Variants in GPR39 observed in about 807,000 individuals in gnomAD.
GPR39 encodes the protein G protein-coupled receptor 39.
In GPR39, 23 loss-of-function variants were observed where a neutral mutation model predicts 18.4. The ratio of observed to expected loss-of-function variants is 1.25; its 90% CI spans 0.90 to 1.77. The LOEUF (loss-of-function observed/expected upper bound fraction) is 1.77, where lower values mean the gene tolerates loss of function less well. Ranked by LOEUF, GPR39 falls within the 40% of genes most tolerant of loss-of-function variation. The pLI is 0.00. For synonymous variants in GPR39, 280 were observed against 257.9 expected (o/e 1.09, Z -0.82); for missense variants, 647 against 602.4 (o/e 1.07, Z -0.78).
intron 1 of GPR39, among the ~76,000 whole-genome samples, chr2:132,493,185 T>C (rs1681541088): frequency 7.1e-6 from 1 of 140,894 alleles, no homozygotes; most frequent in Non-Finnish European, 1.5e-5. Context: ...ATATACACCA[T>C]ATATATACAC....
intron 1 of GPR39, among the ~76,000 whole-genome samples, chr2:132,622,829 T>G (rs891439807): frequency 2.0e-5 from 3 of 152,074 alleles, no homozygotes; most frequent in Non-Finnish European, 4.4e-5. Flanking sequence ...AAATAAGACC[T>G]GTTGGCCAGG....
intron 1 of GPR39, among the ~76,000 whole-genome samples, chr2:132,619,852 C>CACACAG (rs148426776): frequency 7.4e-6 from 1 of 135,456 alleles, no homozygotes; most frequent in Non-Finnish European, 1.5e-5. Flanking sequence ...CACACACACA[C>CACACAG]ACACAGACAC....
intron 1 of GPR39, among the ~76,000 whole-genome samples, chr2:132,535,632 A>T (rs541595312): frequency 6.6e-5 from 10 of 151,322 alleles, no homozygotes; most frequent in African/African-American, 2.4e-4. Context: ...TTTCAGAAGG[A>T]ATGGTACCAG....
chr2:132,550,192 T>G (rs1680017747), intron 1 of GPR39, among the ~76,000 whole-genome samples: 1 of 152,200 alleles, frequency 6.6e-6, no homozygotes, highest in Non-Finnish European at 1.5e-5. Flanking sequence ...TGTAGATAGT[T>G]TAGCTTCCCT....
chr2:132,493,287 CCATATATAT>C lies in GPR39; in HGVS notation c.856+75390_856+75398del, dbSNP rs201944714. On this transcript the variant is annotated intron_variant, in intron 1 of 1. Coordinates refer to ENST00000329321, the MANE Select transcript of GPR39 (RefSeq NM_001508.3). ...ATACCATATATGTATACCATATATACCATATATATACACCATATATATACCATATATATA... is the reference window on the plus strand; with the variant it reads ...ATACCATATATGTATACCATATATACACACCATATATATACCATATATATA... Among the ~76,000 whole-genome samples, 52 of 144,012 alleles carry C rather than the reference CCATATATAT, an allele frequency of 3.6e-4. No homozygotes were observed. In the East Asian group the frequency reaches 9.1e-3, roughly 25 times the overall value. 94.5% of individuals were successfully genotyped at this position (144,012 alleles called of 152,430 possible).
At chr2:132,627,523 C>T (rs1468148584) in intron 1 of GPR39, among the ~76,000 whole-genome samples, 1 of 152,066 alleles carries the variant, frequency 6.6e-6, no homozygotes, top group East Asian at 1.9e-4. Context: ...TTTTAGATTC[C>T]AGTCATCTTT....
chr2:132,527,183 G>A (rs1273873055), intron 1 of GPR39, among the ~76,000 whole-genome samples: 2 of 152,112 alleles, frequency 1.3e-5, no homozygotes, highest in Non-Finnish European at 2.9e-5. Flanking sequence ...GAGTTAGAAC[G>A]TGCTATGTTT....
At chr2:132,631,767 A>G (rs1296591658) in intron 1 of GPR39, among the ~76,000 whole-genome samples, 1 of 151,786 alleles carries the variant, frequency 6.6e-6, no homozygotes, top group Non-Finnish European at 1.5e-5. Context: ...GAGTCAGCCT[A>G]TGATGAGTGA....
chr2:132,614,280 C>G (rs1315659288), intron 1 of GPR39, among the ~76,000 whole-genome samples: 1 of 152,066 alleles, frequency 6.6e-6, no homozygotes, highest in African/African-American at 2.4e-5. Flanking sequence ...AATCTCGGCT[C>G]ACTGCAACCT....
intron 1 of GPR39, among the ~76,000 whole-genome samples, chr2:132,630,020 T>A (rs1280672597): frequency 2.0e-5 from 3 of 152,168 alleles, no homozygotes; most frequent in Non-Finnish European, 2.9e-5. Flanking sequence ...TGTCACTGCA[T>A]GGTTGGGAGA....
chr2:132,528,022 G>A (rs1679544594), intron 1 of GPR39, among the ~76,000 whole-genome samples: 1 of 152,126 alleles, frequency 6.6e-6, no homozygotes, highest in Non-Finnish European at 1.5e-5. Flanking sequence ...TGTCCTGAAT[G>A]GCATTGCCTA....
intron 1 of GPR39, among the ~76,000 whole-genome samples, chr2:132,463,387 AC>A (rs1435828244): frequency 2.0e-5 from 3 of 150,832 alleles, no homozygotes; most frequent in African/African-American, 7.4e-5. Flanking sequence ...GGTGAAAGAT[AC>A]AAGATTCATT....
At chr2:132,450,269 G>A (rs184384941) in intron 1 of GPR39, among the ~76,000 whole-genome samples, 1 of 152,300 alleles carries the variant, frequency 6.6e-6, no homozygotes, top group African/African-American at 2.4e-5. Flanking sequence ...CACCACTGCT[G>A]ATCAGCATAG....
At chr2:132,546,873 C>T (rs1679960399) in intron 1 of GPR39, among the ~76,000 whole-genome samples, 1 of 110,362 alleles carries the variant, frequency 9.1e-6, no homozygotes, top group South Asian at 3.4e-4. Flanking sequence ...AAAGAGGCAT[C>T]ATATGCAAAT....
chr2:132,430,327 G>A (rs1680203230), intron 1 of GPR39, among the ~76,000 whole-genome samples: 2 of 152,320 alleles, frequency 1.3e-5, no homozygotes, highest in Admixed American at 1.3e-4. Context: ...CCAATGTGTA[G>A]CCAGGGTTGA....
chr2:132,605,712 G>T (rs1180243305), intron 1 of GPR39, among the ~76,000 whole-genome samples: 2 of 152,202 alleles, frequency 1.3e-5, no homozygotes, highest in Non-Finnish European at 2.9e-5. Context: ...GAATCCAGCA[G>T]TGCCTTGCTC....
Position 132,519,607 on chromosome 2 carries a change from A to G in GPR39, c.856+101709A>G, listed in dbSNP as rs535103364. Among the ~76,000 whole-genome samples, 85 of 152,288 alleles carry G rather than the reference A, an allele frequency of 5.6e-4. 2 individuals carry two copies. The South Asian group carries it at 0.018, about 32-fold the overall frequency. On this transcript the variant is annotated intron_variant, in intron 1 of 1. Transcript: ENST00000329321. ...GAGTCTGGAGCTCGGGGTTCTCATC[A>G]CTTGGAGACCCTTATACACTAATGA...
In GPR39 at chr2:132,419,107, C is replaced by T. The variant is rs945815616; in HGVS notation, c.856+1209C>T. 4.6e-5 allele frequency among the ~76,000 whole-genome samples: 7 copies of T among 152,238 alleles called. No individual in the cohort carries two copies. In the South Asian group the frequency reaches 1.2e-3, roughly 27 times the overall value. ...TTAGGGTCTAATTTTACTCTTTATTCGATTTGAAATAATTGCCCTAATGAA... is the reference window on the plus strand; with the variant it reads ...TTAGGGTCTAATTTTACTCTTTATTTGATTTGAAATAATTGCCCTAATGAA... On this transcript the variant is annotated intron_variant, in intron 1 of 1. Coordinates refer to ENST00000329321, the MANE Select transcript of GPR39 (RefSeq NM_001508.3).
chr2:132,441,600 G>A (rs1680441047), intron 1 of GPR39, among the ~76,000 whole-genome samples: 1 of 152,200 alleles, frequency 6.6e-6, no homozygotes, highest in Admixed American at 6.5e-5. Context: ...AATGAATGGA[G>A]TGATTAATAC....
Sources: allele counts gnomAD v4.1 joint callset (sites outside exome capture counted in the v4.1 genomes callset), GRCh38; gene constraint gnomAD v4.1.1; transcripts MANE v1.5; gene names NCBI Gene and HGNC (gene_info 2026-07-23, HGNC 2026-07-21).